Variants in PDE10A observed in about 807,000 individuals in gnomAD.
PDE10A encodes cAMP and cAMP-inhibited cGMP 3',5'-cyclic phosphodiesterase 10A.
In PDE10A, 39 loss-of-function variants were observed where a neutral mutation model predicts 97.7. That is an observed-to-expected ratio of 0.40 (90% CI 0.31 to 0.52). The LOEUF is 0.52. PDE10A is among the 20% of genes least tolerant of loss of function. PDE10A has a pLI of 0.56. For synonymous variants in PDE10A, 371 were observed against 376.8 expected (o/e 0.98, Z 0.18); for missense variants, 731 against 1,047.8 (o/e 0.70, Z 4.17).
intron 1 of PDE10A, among the ~76,000 whole-genome samples, chr6:165,694,790 A>G (rs1791401591): frequency 6.6e-6 from 1 of 152,250 alleles, no homozygotes; most frequent in African/African-American, 2.4e-5. Flanking sequence ...GATGGTAAAG[A>G]GAAAATGCAA....
At chr6:165,731,514 G>C (rs889010209) in intron 1 of PDE10A, among the ~76,000 whole-genome samples, 3 of 152,224 alleles carry the variant, frequency 2.0e-5, no homozygotes, top group Non-Finnish European at 4.4e-5. Context: ...TGCATCTGCG[G>C]CTGGAGCAGA....
chr6:165,812,122 G>A (rs1321907129), intron 1 of PDE10A, among the ~76,000 whole-genome samples: 1 of 152,038 alleles, frequency 6.6e-6, no homozygotes, highest in Non-Finnish European at 1.5e-5. Context: ...AAAATGTTGG[G>A]ACTACAGGCG....
rs143381740 is a variant in PDE10A at position 165,676,442 on chromosome 6, C to T, written c.-614-132874G>A. The stretch of plus-strand genomic sequence containing the variant: ...CAGTTAACCTGGCCATGTGGGAAAC[C>T]GGACAGGTGCCGCAGAGGAAGAGGT... On this transcript the variant is annotated intron_variant, in intron 1 of 19. Coordinates refer to the PDE10A transcript ENST00000366882. Among the ~76,000 whole-genome samples, 8 of 152,268 alleles carry T rather than the reference C, an allele frequency of 5.3e-5. No individual in the cohort carries two copies. The East Asian group carries it at 5.8e-4, about 11-fold the overall frequency.
At chr6:165,549,226 A>G (rs1350175798) in intron 1 of PDE10A, among the ~76,000 whole-genome samples, 1 of 152,224 alleles carries the variant, frequency 6.6e-6, no homozygotes, top group Non-Finnish European at 1.5e-5. Context: ...AGATTACATA[A>G]TCATTCATTG....
intron 1 of PDE10A, among the ~76,000 whole-genome samples, chr6:165,815,681 C>G (rs893500951): frequency 1.3e-5 from 2 of 152,034 alleles, no homozygotes; most frequent in African/African-American, 4.8e-5. Flanking sequence ...CTGGTTTTTC[C>G]CCCCATGGCT....
chr6:165,489,849 G>C (rs564893631), intron 2 of PDE10A, among the ~76,000 whole-genome samples: 2 of 152,240 alleles, frequency 1.3e-5, no homozygotes, highest in East Asian at 3.9e-4. Context: ...AAGAACTCCA[G>C]AGCTCAAAGA....
chr6:165,744,849 T>C (rs1169859951), intron 1 of PDE10A, among the ~76,000 whole-genome samples: 4 of 115,760 alleles, frequency 3.5e-5, no homozygotes, highest in Non-Finnish European at 6.4e-5. Context: ...GAACCAGTAC[T>C]GCTTAAAAAA....
intron 1 of PDE10A, chr6:165,909,173 A>G (rs1024724918): frequency 1.3e-5 from 2 of 152,232 alleles, no homozygotes; most frequent in African/African-American, 4.8e-5. Context: ...GTGCCACATC[A>G]GTCCAGGGAA....
chr6:165,689,713 G>A (rs758648842), intron 1 of PDE10A, among the ~76,000 whole-genome samples: 8 of 152,282 alleles, frequency 5.3e-5, no homozygotes, highest in Middle Eastern at 3.4e-3. Flanking sequence ...CTGGTGCCAG[G>A]CTTCTTGTAC....
At chr6:165,978,439 C>T (rs1232219405) in intron 1 of PDE10A, among the ~76,000 whole-genome samples, 4 of 152,200 alleles carry the variant, frequency 2.6e-5, no homozygotes, top group African/African-American at 9.7e-5. Context: ...CTTAACCAAG[C>T]GATCAAACTT....
At chr6:165,852,652 G>T (rs1044112881) in intron 1 of PDE10A, among the ~76,000 whole-genome samples, 1 of 152,184 alleles carries the variant, frequency 6.6e-6, no homozygotes, top group Non-Finnish European at 1.5e-5. Flanking sequence ...TGTGAGCAAG[G>T]TTCCTGTTTT....
chr6:165,890,978 T>C (rs1781775526), intron 1 of PDE10A, among the ~76,000 whole-genome samples: 2 of 152,208 alleles, frequency 1.3e-5, no homozygotes, highest in Non-Finnish European at 2.9e-5. Flanking sequence ...AGATAACAAA[T>C]GATTTTTCCC....
At chr6:165,354,784 A>C (rs1043046073) in intron 18 of PDE10A, among the ~76,000 whole-genome samples, 1 of 152,166 alleles carries the variant, frequency 6.6e-6, no homozygotes, top group African/African-American at 2.4e-5. Flanking sequence ...AATGGTGAGG[A>C]GAAGAGAAAG....
intron 1 of PDE10A, among the ~76,000 whole-genome samples, chr6:165,597,238 T>C (rs1035181919): frequency 6.6e-6 from 1 of 152,142 alleles, no homozygotes; most frequent in Non-Finnish European, 1.5e-5. Flanking sequence ...AGACACCCGA[T>C]ACCTGTTACA....
chr6:165,727,975 G>C (rs997133135), intron 1 of PDE10A, among the ~76,000 whole-genome samples: 1 of 152,108 alleles, frequency 6.6e-6, no homozygotes, highest in Non-Finnish European at 1.5e-5. Context: ...TTATTTGTTT[G>C]TTTTTGTGTT....
chr6:165,634,071 A>C (rs1269155702), intron 1 of PDE10A, among the ~76,000 whole-genome samples: 1 of 152,118 alleles, frequency 6.6e-6, no homozygotes, highest in Non-Finnish European at 1.5e-5. Context: ...TCACCTCGCG[A>C]TGACTGACAA....
intron 1 of PDE10A, among the ~76,000 whole-genome samples, chr6:165,710,343 C>T (rs1791863298): frequency 6.6e-6 from 1 of 152,198 alleles, no homozygotes; most frequent in Non-Finnish European, 1.5e-5. Flanking sequence ...GAAGAATGAA[C>T]CCACTTCACC....
At chr6:165,712,922 G>A (rs1038803130) in intron 1 of PDE10A, among the ~76,000 whole-genome samples, 1 of 152,178 alleles carries the variant, frequency 6.6e-6, no homozygotes, top group African/African-American at 2.4e-5. Context: ...TTACAGGCAT[G>A]AGCCACCGCA....
intron 1 of PDE10A, among the ~76,000 whole-genome samples, chr6:165,754,979 A>G (rs1772574150): frequency 6.6e-6 from 1 of 152,182 alleles, no homozygotes; most frequent in African/African-American, 2.4e-5. Context: ...TTATTATGAG[A>G]TATTATAAAA....
Sources: allele counts gnomAD v4.1 joint callset (sites outside exome capture counted in the v4.1 genomes callset), GRCh38; gene constraint gnomAD v4.1.1; transcripts MANE v1.5; gene names NCBI Gene and HGNC (gene_info 2026-07-23, HGNC 2026-07-21).